NAALADL2: variants seen among roughly 807,000 people sequenced by gnomAD.
The protein encoded by NAALADL2 is inactive N-acetylated-alpha-linked acidic dipeptidase-like protein 2.
Under a neutral mutation model 87.2 loss-of-function variants are expected in NAALADL2, and 76 were observed. That is an observed-to-expected ratio of 0.87 (90% CI 0.72 to 1.05). The LOEUF (loss-of-function observed/expected upper bound fraction) is 1.05. Among genes scored for constraint, NAALADL2 ranks in the 50% least tolerant of loss-of-function variants. The pLI is 0.00. For missense variants in NAALADL2, 1,089 were observed against 945.8 expected, an observed-to-expected ratio of 1.15 and a Z score of -1.99; for synonymous variants, 354 against 331.0, an observed-to-expected ratio of 1.07 and a Z score of -0.75.
rs142972147 is a variant in NAALADL2 at position 174,970,802 on chromosome 3, T to C, written c.43+111352T>C. Among the ~76,000 whole-genome samples, 522 of 152,328 alleles carry C rather than the reference T, an allele frequency of 3.4e-3. 3 individuals carry two copies. The highest frequency in any genetic ancestry group is 0.012 in the African/African-American group (493 of 41,578). Reference sequence around the variant, plus strand: ...AATCATACATATTTATATGGTCTCATTAACCCTTTCTCACATGTTCAATCA... The same window carrying C: ...AATCATACATATTTATATGGTCTCACTAACCCTTTCTCACATGTTCAATCA... On this transcript the variant is annotated intron_variant, in intron 1 of 13. Transcript: ENST00000454872.
intron 1 of NAALADL2, among the ~76,000 whole-genome samples, chr3:174,946,483 T>A (rs1739439810): frequency 6.6e-6 from 1 of 152,206 alleles, no homozygotes; most frequent in South Asian, 2.1e-4. Context: ...ATGTCGCCTA[T>A]CTCATATAGG....
At chr3:175,553,282 A>G (rs561404085) in intron 9 of NAALADL2, among the ~76,000 whole-genome samples, 5 of 152,304 alleles carry the variant, frequency 3.3e-5, no homozygotes, top group African/African-American at 1.2e-4. Flanking sequence ...CTCTACGCCA[A>G]ATGATTGAAA....
At chr3:175,002,147 GTTA>G (rs1748326317) in intron 1 of NAALADL2, among the ~76,000 whole-genome samples, 3 of 151,922 alleles carry the variant, frequency 2.0e-5, no homozygotes, top group African/African-American at 7.3e-5. Flanking sequence ...ACTTTTTTTT[GTTA>G]TTGTTGTTTT....
intron 5 of NAALADL2, among the ~76,000 whole-genome samples, chr3:175,443,492 C>T (rs976592865): frequency 4.9e-4 from 75 of 152,040 alleles, no homozygotes; most frequent in East Asian, 5.8e-4. Flanking sequence ...TAGGGATAGA[C>T]GGGTTTTGAA....
chr3:174,799,599 C>A (rs892212001), intron 3 of NAALADL2, among the ~76,000 whole-genome samples: 1 of 152,134 alleles, frequency 6.6e-6, no homozygotes, highest in Non-Finnish European at 1.5e-5. Flanking sequence ...GTAAATTGTC[C>A]AGTCTTTGAT....
At chr3:175,621,919 C>G (rs1408044260) in intron 10 of NAALADL2, among the ~76,000 whole-genome samples, 1 of 152,090 alleles carries the variant, frequency 6.6e-6, no homozygotes, top group Non-Finnish European at 1.5e-5. Flanking sequence ...AGGCACTCAG[C>G]AAATTGTAGC....
intron 2 of NAALADL2, among the ~76,000 whole-genome samples, chr3:175,227,939 G>A (rs1170332281): frequency 6.6e-6 from 1 of 151,804 alleles, no homozygotes; most frequent in East Asian, 1.9e-4. Context: ...GTAATCTTAG[G>A]AAGACTACAA....
chr3:175,242,872 T>C (rs1747190957), intron 3 of NAALADL2, among the ~76,000 whole-genome samples: 1 of 152,160 alleles, frequency 6.6e-6, no homozygotes, highest in Non-Finnish European at 1.5e-5. Context: ...ACTAACAAAT[T>C]ATTTAAATAT....
intron 5 of NAALADL2, among the ~76,000 whole-genome samples, chr3:175,366,535 T>A (rs939235150): frequency 9.9e-5 from 15 of 151,626 alleles, no homozygotes; most frequent in African/African-American, 3.6e-4. Context: ...TTCCTGACTT[T>A]TTAATGGTTG....
chr3:175,061,421 G>A (rs1040868714), intron 1 of NAALADL2, among the ~76,000 whole-genome samples: 2 of 152,108 alleles, frequency 1.3e-5, no homozygotes, highest in African/African-American at 2.4e-5. Context: ...TGTTACATCT[G>A]TTGCTGTTAC....
At chr3:174,811,083 G>T (rs1282137058) in intron 3 of NAALADL2, among the ~76,000 whole-genome samples, 2 of 152,188 alleles carry the variant, frequency 1.3e-5, no homozygotes, top group African/African-American at 4.8e-5. Context: ...CACCTAGATT[G>T]CAGGGGACGT....
At chr3:174,765,669 T>G (rs1713715781) in intron 3 of NAALADL2, among the ~76,000 whole-genome samples, 1 of 152,154 alleles carries the variant, frequency 6.6e-6, no homozygotes, top group Admixed American at 6.5e-5. Context: ...ACAGGATTTA[T>G]TTTTTGAATA....
At chr3:175,282,450 C>T (rs1159683539) in intron 4 of NAALADL2, among the ~76,000 whole-genome samples, 1 of 151,980 alleles carries the variant, frequency 6.6e-6, no homozygotes, top group African/African-American at 2.4e-5. Flanking sequence ...ACAGTAACAG[C>T]CTTTAAATTT....
chr3:175,781,301 T>C (rs1333242566), intron 13 of NAALADL2, among the ~76,000 whole-genome samples: 1 of 152,196 alleles, frequency 6.6e-6, no homozygotes, highest in Admixed American at 6.5e-5. Flanking sequence ...TGAATAATGA[T>C]GTTTCAGTCA....
intron 13 of NAALADL2, among the ~76,000 whole-genome samples, chr3:175,771,776 C>T (rs910415905): frequency 2.6e-5 from 4 of 152,152 alleles, no homozygotes; most frequent in Admixed American, 6.5e-5. Context: ...AGTCTGTTCT[C>T]ATACTGCTAA....
intron 11 of NAALADL2, among the ~76,000 whole-genome samples, chr3:175,691,655 TACTC>T (rs991769670): frequency 5.9e-5 from 9 of 152,054 alleles, no homozygotes; most frequent in African/African-American, 1.9e-4. Flanking sequence ...AAAATGCTGA[TACTC>T]ACCGTTTGAC....
At chr3:174,842,347 G>C (rs59466819) in intron 3 of NAALADL2, among the ~76,000 whole-genome samples, 3 of 152,004 alleles carry the variant, frequency 2.0e-5, no homozygotes, top group African/African-American at 7.2e-5. Context: ...CACTGCACCT[G>C]GCCACATTTA....
intron 6 of NAALADL2, among the ~76,000 whole-genome samples, chr3:175,449,652 CA>C (rs1186571447): frequency 6.6e-6 from 1 of 151,058 alleles, no homozygotes; most frequent in African/African-American, 2.4e-5. Flanking sequence ...CTCGGCCTCC[CA>C]AAGTGCTGGG....
At chr3:174,637,402 T>C (rs1042868335) in intron 2 of NAALADL2, among the ~76,000 whole-genome samples, 2 of 152,076 alleles carry the variant, frequency 1.3e-5, no homozygotes, top group Non-Finnish European at 2.9e-5. Context: ...TGAATACTTA[T>C]GCATTTGATA....
Sources: allele counts gnomAD v4.1 joint callset (sites outside exome capture counted in the v4.1 genomes callset), GRCh38; gene constraint gnomAD v4.1.1; transcripts MANE v1.5; gene names NCBI Gene and HGNC (gene_info 2026-07-23, HGNC 2026-07-21).